Variants in PDS5B observed in about 807,000 individuals in gnomAD.
PDS5B encodes the protein PDS5 cohesin associated factor B, also known as sister chromatid cohesion protein PDS5 homolog B.
A neutral mutation model predicts 184.1 loss-of-function variants in PDS5B; 51 were observed. The observed-to-expected ratio is 0.28, with a 90% CI of 0.22 to 0.35. PDS5B has a LOEUF of 0.35. Among genes scored for constraint, PDS5B ranks in the 10% least tolerant of loss-of-function variants. PDS5B has a pLI of 1.00. For synonymous variants in PDS5B, 566 were observed against 569.2 expected (o/e 0.99, Z 0.08); for missense variants, 1,180 against 1,723.3 (o/e 0.68, Z 5.58).
intron 1 of PDS5B, among the ~76,000 whole-genome samples, chr13:32,601,013 A>T (rs1474983364): frequency 6.6e-6 from 1 of 152,110 alleles, no homozygotes; most frequent in Non-Finnish European, 1.5e-5. Context: ...TTTTCTAGCC[A>T]CTTTGTAGCC....
chr13:32,641,056 CA>C (rs71194532), intron 1 of PDS5B, among the ~76,000 whole-genome samples: 33,965 of 95,018 alleles, frequency 0.36, 3,916 homozygotes, highest in African/African-American at 0.45. Context: ...GACTCCGTCT[CA>C]AAAAAAAAAA....
intron 1 of PDS5B, among the ~76,000 whole-genome samples, chr13:32,587,656 C>T (rs145054944): frequency 3.7e-4 from 56 of 152,286 alleles, no homozygotes; most frequent in African/African-American, 1.2e-3. Context: ...GGGCGAGCTC[C>T]GGGAAGGGTT....
At chr13:32,728,248 C>T (rs1035011726) in intron 19 of PDS5B, among the ~76,000 whole-genome samples, 26 of 151,794 alleles carry the variant, frequency 1.7e-4, no homozygotes, top group Non-Finnish European at 3.4e-4. Context: ...TTTTTTGTAA[C>T]AGCTCTTTTA....
At chr13:32,682,293 C>G (rs1467295222) in intron 10 of PDS5B, among the ~76,000 whole-genome samples, 1 of 152,124 alleles carries the variant, frequency 6.6e-6, no homozygotes, top group Non-Finnish European at 1.5e-5. Context: ...GTATCCCCTT[C>G]CAGTTAGTTC....
chr13:32,587,247 C>T (rs1469150972), intron 1 of PDS5B, among the ~76,000 whole-genome samples: 1 of 151,692 alleles, frequency 6.6e-6, no homozygotes, highest in African/African-American at 2.4e-5. Context: ...CATTTTTGCA[C>T]TGTCCCTCGC....
chr13:32,695,771 A>G (rs1440442871), intron 14 of PDS5B, among the ~76,000 whole-genome samples: 4 of 152,046 alleles, frequency 2.6e-5, no homozygotes, highest in Non-Finnish European at 5.9e-5. Flanking sequence ...GCCTGTTGTT[A>G]AAAATTGGGA....
At chr13:32,607,889 C>T (rs761878997) in intron 1 of PDS5B, among the ~76,000 whole-genome samples, 3 of 152,156 alleles carry the variant, frequency 2.0e-5, no homozygotes, top group African/African-American at 4.8e-5. Flanking sequence ...CCTGGTGTGC[C>T]GTTTGCTAAG....
At chr13:32,612,046 G>A (rs1266997166) in intron 1 of PDS5B, among the ~76,000 whole-genome samples, 1 of 151,202 alleles carries the variant, frequency 6.6e-6, no homozygotes, top group African/African-American at 2.4e-5. Flanking sequence ...TTCAGACTGT[G>A]CATCTTTTTT....
chr13:32,687,808 A>G (rs1951438671), intron 12 of PDS5B, among the ~76,000 whole-genome samples: 1 of 152,186 alleles, frequency 6.6e-6, no homozygotes. Context: ...TCCTGCTTAT[A>G]GTCTGAAATG....
intron 7 of PDS5B, among the ~76,000 whole-genome samples, chr13:32,669,486 T>C (rs1348458720): frequency 6.6e-6 from 1 of 152,186 alleles, no homozygotes; most frequent in Non-Finnish European, 1.5e-5. Flanking sequence ...TTCGTTATAC[T>C]GTTCTCTCAA....
chr13:32,667,414 G>A (rs1159037468), intron 6 of PDS5B, among the ~76,000 whole-genome samples: 1 of 152,080 alleles, frequency 6.6e-6, no homozygotes. Flanking sequence ...GATATTTTGT[G>A]TTTTTTGGAC....
At chr13:32,590,299 A>G (rs188643586) in intron 1 of PDS5B, among the ~76,000 whole-genome samples, 47 of 152,324 alleles carry the variant, frequency 3.1e-4, no homozygotes, top group Middle Eastern at 3.4e-3. Flanking sequence ...ACCTGATTCA[A>G]TTAAAATGAA....
intron 19 of PDS5B, among the ~76,000 whole-genome samples, chr13:32,729,948 A>G (rs1238550680): frequency 6.6e-6 from 1 of 152,108 alleles, no homozygotes; most frequent in Non-Finnish European, 1.5e-5. Flanking sequence ...CTTTAGTTTA[A>G]TTAGATCCCA....
At position 32,770,564 on chromosome 13, in the gene PDS5B, A is replaced by G. The variant is rs781191307; in HGVS notation, c.4064+4A>G. 3.1e-6 allele frequency: 5 copies of G among 1,603,482 alleles called. No individual in the cohort carries two copies. The highest frequency in any genetic ancestry group is 1.1e-5 in the South Asian group (1 of 88,730). On this transcript the variant is annotated splice_donor_region_variant and intron_variant, in intron 32 of 34. Transcript: ENST00000315596. ...TGTCAAGGAGAGCACAGCAGAGGTAAGCATGTGTAACTCTAAACTGCATCT... is the reference window on the plus strand; with the variant it reads ...TGTCAAGGAGAGCACAGCAGAGGTAGGCATGTGTAACTCTAAACTGCATCT...
chr13:32,610,952 TTAAG>T (rs1463830475), intron 1 of PDS5B, among the ~76,000 whole-genome samples: 1 of 152,142 alleles, frequency 6.6e-6, no homozygotes, highest in African/African-American at 2.4e-5. Flanking sequence ...ATTGAAAAGT[TTAAG>T]TGAGGCTGAA....
intron 6 of PDS5B, among the ~76,000 whole-genome samples, chr13:32,666,529 T>A (rs1950800939): frequency 6.6e-6 from 1 of 152,138 alleles, no homozygotes; most frequent in African/African-American, 2.4e-5. Context: ...TTGATTCGAC[T>A]ATCATTCAGT....
intron 6 of PDS5B, among the ~76,000 whole-genome samples, chr13:32,663,090 A>G (rs989530832): frequency 6.6e-6 from 1 of 152,140 alleles, no homozygotes; most frequent in African/African-American, 2.4e-5. Flanking sequence ...TATAAAACAA[A>G]ACTCTTCTTT....
chr13:32,688,178 T>A (rs547430294), intron 12 of PDS5B, among the ~76,000 whole-genome samples: 2 of 133,442 alleles, frequency 1.5e-5, no homozygotes, highest in Non-Finnish European at 3.4e-5. Flanking sequence ...CTCTGTATTA[T>A]ACAGATAAAG....
intron 19 of PDS5B, among the ~76,000 whole-genome samples, chr13:32,727,310 A>G (rs1232268308): frequency 1.3e-5 from 2 of 152,138 alleles, no homozygotes; most frequent in Non-Finnish European, 2.9e-5. Flanking sequence ...TATAAGCTCC[A>G]TAATATGTTC....
Sources: allele counts gnomAD v4.1 joint callset (sites outside exome capture counted in the v4.1 genomes callset), GRCh38; gene constraint gnomAD v4.1.1; transcripts MANE v1.5; gene names NCBI Gene and HGNC (gene_info 2026-07-23, HGNC 2026-07-21).